Variants in WWOX observed in about 807,000 individuals in gnomAD.
The protein encoded by WWOX is WW domain containing oxidoreductase.
A neutral mutation model predicts 46.2 loss-of-function variants in WWOX; 69 were observed. That is an observed-to-expected ratio of 1.49 (90% confidence interval 1.23 to 1.82). WWOX has a LOEUF of 1.82. WWOX is among the 40% of genes most tolerant of loss of function. WWOX has a pLI of 0.00. For synonymous variants in WWOX, 359 were observed against 202.6 expected (o/e 1.77, Z -6.56); for missense variants, 919 against 542.6 (o/e 1.69, Z -6.89).
At chr16:79,142,185 G>A (rs149769594) in intron 8 of WWOX, among the ~76,000 whole-genome samples, 132 of 152,086 alleles carry the variant, frequency 8.7e-4, no homozygotes, top group African/African-American at 2.9e-3. Context: ...TTCCAGGGAT[G>A]GAGGTGACCA....
chr16:78,929,528 G>A lies in WWOX; in HGVS notation c.1057-282080G>A, dbSNP rs77504370. On this transcript the variant is annotated intron_variant, in intron 8 of 8. Coordinates refer to ENST00000566780, the MANE Select transcript of WWOX (RefSeq NM_016373.4). ...CTGGCACCGTATCCGAGTGGGATCT[G>A]GGATCCGAGTGAGATGGCCATACCT... Among the ~76,000 whole-genome samples, 225 of 152,206 alleles carry A rather than the reference G, an allele frequency of 1.5e-3. 1 individual carries two copies. Among genetic ancestry groups the A allele is most frequent in the African/African-American group, 5.4e-3 (223 of 41,532 alleles).
chr16:78,586,802 C>T (rs1171977725), intron 8 of WWOX, among the ~76,000 whole-genome samples: 1 of 152,108 alleles, frequency 6.6e-6, no homozygotes, highest in Non-Finnish European at 1.5e-5. Context: ...CCAGTATCAT[C>T]TATGTATAAT....
chr16:78,393,563 C>G (rs964711771), intron 6 of WWOX, among the ~76,000 whole-genome samples: 1 of 152,108 alleles, frequency 6.6e-6, no homozygotes. Context: ...AACTGAATTG[C>G]AATCCTGGAA....
At chr16:78,894,020 T>TTTATTATCATTATTA (rs2044647712) in intron 8 of WWOX, among the ~76,000 whole-genome samples, 1 of 140,080 alleles carries the variant, frequency 7.1e-6, no homozygotes, top group Non-Finnish European at 1.5e-5. Flanking sequence ...TATTGAGGCT[T>TTTATTATCATTATTA]TTATTATTAT....
intron 8 of WWOX, among the ~76,000 whole-genome samples, chr16:78,833,843 T>G (rs2051900141): frequency 6.6e-6 from 1 of 152,358 alleles, no homozygotes; most frequent in Non-Finnish European, 1.5e-5. Context: ...CCAGCCAAGG[T>G]TTGCTGGCTC....
intron 8 of WWOX, among the ~76,000 whole-genome samples, chr16:78,587,679 C>T (rs2045247922): frequency 6.6e-6 from 1 of 151,836 alleles, no homozygotes; most frequent in Admixed American, 6.6e-5. Context: ...GTGAAGTGAC[C>T]CAGATAGGGA....
At chr16:78,489,900 C>T (rs552960388) in intron 8 of WWOX, among the ~76,000 whole-genome samples, 2 of 152,074 alleles carry the variant, frequency 1.3e-5, no homozygotes, top group East Asian at 1.9e-4. Context: ...TGACAGATAG[C>T]CGGATGATTT....
chr16:78,558,740 C>T (rs74950712), intron 8 of WWOX, among the ~76,000 whole-genome samples: 3 of 152,220 alleles, frequency 2.0e-5, no homozygotes, highest in Non-Finnish European at 4.4e-5. Context: ...TGGCTTTGAT[C>T]AAGCTTGGAA....
intron 8 of WWOX, chr16:78,691,205 A>G (rs1314370865): frequency 2.8e-6 from 2 of 701,944 alleles, no homozygotes; most frequent in East Asian, 2.7e-5. Flanking sequence ...TCCAGCGCCT[A>G]GAATTTTAGC....
intron 8 of WWOX, chr16:78,895,970 C>A (rs2044692214): frequency 1.3e-5 from 2 of 152,152 alleles, no homozygotes; most frequent in Non-Finnish European, 1.5e-5. Flanking sequence ...TCCCAGGAAA[C>A]AGATACTCAA....
chr16:78,161,511 A>T (rs2034791954), intron 4 of WWOX, among the ~76,000 whole-genome samples: 1 of 151,678 alleles, frequency 6.6e-6, no homozygotes, highest in African/African-American at 2.4e-5. Context: ...CAGTGGCATA[A>T]TCATAGCTGA....
At chr16:78,384,720 G>A (rs1331844310) in intron 5 of WWOX, among the ~76,000 whole-genome samples, 6 of 152,104 alleles carry the variant, frequency 3.9e-5, no homozygotes, top group East Asian at 1.9e-4. Context: ...GCACACTTTG[G>A]CATCTGCCAC....
chr16:78,626,433 T>C (rs2738573), intron 8 of WWOX, among the ~76,000 whole-genome samples: 115,029 of 152,078 alleles, frequency 0.76, 43,638 homozygotes, highest in Middle Eastern at 0.79. Context: ...TGTAGGATGC[T>C]CCTGTGTTGG....
intron 8 of WWOX, among the ~76,000 whole-genome samples, chr16:78,540,999 TAAG>T (rs1258917324): frequency 6.6e-6 from 1 of 152,112 alleles, no homozygotes; most frequent in African/African-American, 2.4e-5. Context: ...CCACTATTAA[TAAG>T]GTCATTGTCA....
Position 79,151,652 on chromosome 16 carries a change from G to A in WWOX, c.1057-59956G>A, listed in dbSNP as rs113105957. Among the ~76,000 whole-genome samples, 410 of 150,434 alleles carry A rather than the reference G, an allele frequency of 2.7e-3. 1 individual carries two copies. Among genetic ancestry groups the A allele is most frequent in the Admixed American group, 2.0e-3 (30 of 15,148 alleles). On this transcript the variant is annotated intron_variant, in intron 8 of 8. Transcript: ENST00000566780. ...GCAGAATGCAGAGGCCATGCCTGCA[G>A]ATCAGGGGTGCTAGAGGATAGGCAA...
At chr16:78,423,569 A>C (rs1322345827) in intron 6 of WWOX, among the ~76,000 whole-genome samples, 1 of 152,134 alleles carries the variant, frequency 6.6e-6, no homozygotes, top group African/African-American at 2.4e-5. Context: ...TGTATTGTTA[A>C]CAATTTTGTT....
intron 8 of WWOX, among the ~76,000 whole-genome samples, chr16:78,589,979 G>A (rs191826384): frequency 3.1e-3 from 472 of 152,286 alleles, no homozygotes; most frequent in Non-Finnish European, 4.7e-3. Flanking sequence ...TAGTTTACCT[G>A]AAGGCTATGG....
At chr16:78,127,524 A>G (rs987515392) in intron 4 of WWOX, among the ~76,000 whole-genome samples, 5 of 149,802 alleles carry the variant, frequency 3.3e-5, no homozygotes, top group African/African-American at 1.2e-4. Context: ...CGGAAAAAAA[A>G]AAAAACCACC....
intron 8 of WWOX, among the ~76,000 whole-genome samples, chr16:78,862,483 TACAC>T (rs897889661): frequency 3.3e-5 from 5 of 151,904 alleles, no homozygotes; most frequent in African/African-American, 4.8e-5. Flanking sequence ...CACAAGTGCA[TACAC>T]ACACACATTT....
Sources: allele counts gnomAD v4.1 joint callset (sites outside exome capture counted in the v4.1 genomes callset), GRCh38; gene constraint gnomAD v4.1.1; transcripts MANE v1.5; gene names NCBI Gene and HGNC (gene_info 2026-07-23, HGNC 2026-07-21).